The following STX8 variants were observed in gnomAD, a reference collection of about 807,000 sequenced individuals.
STX8 encodes the protein syntaxin-8.
In STX8, 23 loss-of-function variants were observed where a neutral mutation model predicts 37.5. The ratio of observed to expected loss-of-function variants is 0.61; its 90% CI spans 0.44 to 0.87. The LOEUF (loss-of-function observed/expected upper bound fraction) is 0.87. STX8 is among the 40% of genes least tolerant of loss of function. The pLI, the probability that STX8 is intolerant of heterozygous loss-of-function variation, is 0.00. For synonymous variants in STX8, 115 were observed against 99.1 expected (o/e 1.16, Z -0.95); for missense variants, 313 against 284.7 (o/e 1.10, Z -0.71).
chr17:9,385,184 C>A (rs1048784881), intron 6 of STX8, among the ~76,000 whole-genome samples: 1 of 152,152 alleles, frequency 6.6e-6, no homozygotes, highest in Non-Finnish European at 1.5e-5. Flanking sequence ...ATGCTCTGGG[C>A]ATAGTATTCT....
intron 6 of STX8, among the ~76,000 whole-genome samples, chr17:9,468,691 C>CA (rs1202160217): frequency 7.0e-6 from 1 of 143,658 alleles, no homozygotes; most frequent in Non-Finnish European, 1.6e-5. Flanking sequence ...GCCAGCCTCT[C>CA]AAGGGCATAG....
chr17:9,305,370 T>C (rs12948351), intron 7 of STX8: 35,515 of 151,962 alleles, frequency 0.23, 5,510 homozygotes, highest in African/African-American at 0.44. Context: ...GGATTACAGG[T>C]GTGAGCCACC....
chr17:9,524,557 A>T (rs575584191), intron 4 of STX8, among the ~76,000 whole-genome samples: 1 of 152,262 alleles, frequency 6.6e-6, no homozygotes, highest in East Asian at 1.9e-4. Flanking sequence ...ATTAGGTTCT[A>T]ACATATGAAT....
intron 7 of STX8, among the ~76,000 whole-genome samples, chr17:9,308,440 T>C (rs1205161398): frequency 6.6e-6 from 1 of 152,088 alleles, no homozygotes; most frequent in Admixed American, 6.6e-5. Context: ...GAAAAGGAAT[T>C]ACAGCCAGGC....
intron 5 of STX8, among the ~76,000 whole-genome samples, chr17:9,497,625 T>C (rs535691712): frequency 3.0e-4 from 45 of 152,254 alleles, no homozygotes; most frequent in African/African-American, 9.9e-4. Context: ...AAATTTTCCA[T>C]AGTAAAAAGT....
intron 7 of STX8, among the ~76,000 whole-genome samples, chr17:9,351,484 A>C (rs374294038): frequency 8.0e-4 from 122 of 152,138 alleles, no homozygotes; most frequent in African/African-American, 2.8e-3. Context: ...TTAAACATGC[A>C]TCTCCTAAGA....
chr17:9,343,029 A>AG (rs2142234517), intron 7 of STX8, among the ~76,000 whole-genome samples: 1 of 150,048 alleles, frequency 6.7e-6, no homozygotes, highest in African/African-American at 2.5e-5. Flanking sequence ...AAAAAAAAAA[A>AG]AAAAAAAAAA....
At chr17:9,565,572 T>C (rs1191751059) in intron 2 of STX8, among the ~76,000 whole-genome samples, 2 of 143,818 alleles carry the variant, frequency 1.4e-5, no homozygotes, top group East Asian at 4.0e-4. Flanking sequence ...GCTGAGATCA[T>C]GTCACTGCAC....
intron 6 of STX8, among the ~76,000 whole-genome samples, chr17:9,481,908 C>G (rs532709782): frequency 6.6e-6 from 1 of 152,316 alleles, no homozygotes; most frequent in East Asian, 1.9e-4. Flanking sequence ...CGTCCTGAAA[C>G]TACCCCCCAT....
chr17:9,575,158 C>A (rs773525212), intron 1 of STX8, among the ~76,000 whole-genome samples: 25 of 152,202 alleles, frequency 1.6e-4, no homozygotes, highest in Admixed American at 1.6e-3. Flanking sequence ...GGATTAACTG[C>A]TAAATAAATC....
At chr17:9,368,396 C>T (rs527904649) in intron 7 of STX8, among the ~76,000 whole-genome samples, 76 of 152,168 alleles carry the variant, frequency 5.0e-4, no homozygotes, top group African/African-American at 1.8e-3. Flanking sequence ...CCCAGCTACT[C>T]GGAAGGTTGA....
chr17:9,265,625 G>A (rs558324245), intron 7 of STX8, among the ~76,000 whole-genome samples: 5 of 152,358 alleles, frequency 3.3e-5, no homozygotes, highest in South Asian at 2.1e-4. Flanking sequence ...CACTCCTGAC[G>A]TGGTTGGGAA....
chr17:9,337,983 G>C (rs1022213374), intron 7 of STX8, among the ~76,000 whole-genome samples: 33 of 151,944 alleles, frequency 2.2e-4, no homozygotes, highest in Admixed American at 2.1e-3. Context: ...GATCCTGCTA[G>C]GCTACGGAAA....
At chr17:9,558,189 G>A (rs566217087) in intron 2 of STX8, among the ~76,000 whole-genome samples, 1 of 152,240 alleles carries the variant, frequency 6.6e-6, no homozygotes. Flanking sequence ...GAGTCTCTCA[G>A]GAATTTGGAA....
chr17:9,379,467 C>T (rs887549503), intron 6 of STX8, among the ~76,000 whole-genome samples: 1 of 152,064 alleles, frequency 6.6e-6, no homozygotes, highest in Non-Finnish European at 1.5e-5. Flanking sequence ...AATGTAATTC[C>T]AACTGAAAAA....
At chr17:9,356,968 T>G (rs1293221366) in intron 7 of STX8, among the ~76,000 whole-genome samples, 3 of 144,974 alleles carry the variant, frequency 2.1e-5, no homozygotes, top group Non-Finnish European at 4.6e-5. Flanking sequence ...CAGTTTTTTT[T>G]TTTTTTTTTT....
chr17:9,322,944 CT>C (rs1909629792), intron 7 of STX8, among the ~76,000 whole-genome samples: 1 of 145,614 alleles, frequency 6.9e-6, no homozygotes, highest in South Asian at 2.2e-4. Context: ...AAACCAAAAA[CT>C]TTATAATATT....
intron 6 of STX8, among the ~76,000 whole-genome samples, chr17:9,402,579 A>G (rs1010509877): frequency 6.6e-6 from 1 of 152,202 alleles, no homozygotes; most frequent in African/African-American, 2.4e-5. Flanking sequence ...CTCATTAAAC[A>G]ATTGCTGACT....
intron 6 of STX8, among the ~76,000 whole-genome samples, chr17:9,472,223 C>T (rs1020089640): frequency 3.9e-5 from 6 of 152,090 alleles, no homozygotes; most frequent in African/African-American, 9.7e-5. Flanking sequence ...TCTCTGAGGC[C>T]GAAACAAAAG....
Sources: allele counts gnomAD v4.1 joint callset (sites outside exome capture counted in the v4.1 genomes callset), GRCh38; gene constraint gnomAD v4.1.1; transcripts MANE v1.5; gene names NCBI Gene and HGNC (gene_info 2026-07-23, HGNC 2026-07-21).